TGFBR3: variants seen among roughly 807,000 people sequenced by gnomAD.
The protein encoded by TGFBR3 is transforming growth factor beta receptor 3.
A neutral mutation model predicts 87.9 loss-of-function variants in TGFBR3; 46 were observed. The observed-to-expected ratio is 0.52, with a 90% confidence interval of 0.41 to 0.67. The LOEUF (loss-of-function observed/expected upper bound fraction) is 0.67. TGFBR3 is among the 30% of genes least tolerant of loss of function. TGFBR3 has a pLI of 0.00. For synonymous variants in TGFBR3, 381 were observed against 391.6 expected, an observed-to-expected ratio of 0.97 and a Z score of 0.32; for missense variants, 866 against 1,041.9, an observed-to-expected ratio of 0.83 and a Z score of 2.32.
intron 8 of TGFBR3, among the ~76,000 whole-genome samples, chr1:91,720,746 T>C (rs7546005): frequency 6.6e-6 from 1 of 152,038 alleles, no homozygotes; most frequent in East Asian, 1.9e-4. Context: ...TGATGCAATA[T>C]TATTCCATTG....
At chr1:91,805,978 C>T (rs887865492) in intron 2 of TGFBR3, among the ~76,000 whole-genome samples, 4 of 152,218 alleles carry the variant, frequency 2.6e-5, no homozygotes, top group African/African-American at 4.8e-5. Flanking sequence ...CTTTCCAGTT[C>T]CTCGCCTCAG....
At chr1:91,742,727 C>T (rs1673197330) in intron 4 of TGFBR3, among the ~76,000 whole-genome samples, 1 of 152,142 alleles carries the variant, frequency 6.6e-6, no homozygotes, top group Non-Finnish European at 1.5e-5. Context: ...TGAAGGGGAA[C>T]CATGAAGCAC....
rs566087028 is a variant in TGFBR3, at chr1:91,741,394, C to T, written c.385-6435G>A. On this transcript the variant is annotated intron_variant, in intron 4 of 16. Coordinates refer to ENST00000212355, the MANE Select transcript of TGFBR3 (RefSeq NM_003243.5). ...CCTCTCGGAGAGCGCCACTCCCCCA[C>T]GCCCCGGCACCTCCACATGCTCACC... 1.4e-4 allele frequency among the ~76,000 whole-genome samples: 22 copies of T among 152,240 alleles called. No homozygotes were observed. In the South Asian group the frequency reaches 3.9e-3, roughly 27 times the overall value.
chr1:91,715,005 T>C (rs1672113433), intron 12 of TGFBR3, among the ~76,000 whole-genome samples: 2 of 152,206 alleles, frequency 1.3e-5, no homozygotes, highest in Non-Finnish European at 2.9e-5. Context: ...CAGAAACACG[T>C]GCACCAAAGT....
chr1:91,682,392 C>T lies in TGFBR3; in HGVS notation c.*1347G>A, dbSNP rs903574510. 2 of 431,908 alleles carry T rather than the reference C, an allele frequency of 4.6e-6. No homozygotes were observed. The highest frequency in any genetic ancestry group is 4.3e-5 in the African/African-American group (2 of 46,988). The allele number at this position is 431,908 out of a possible 1,614,324, so 26.8% of individuals were successfully genotyped here. On this transcript the variant is annotated 3_prime_UTR_variant, in exon 17 of 17. Coordinates refer to ENST00000212355, the MANE Select transcript of TGFBR3 (RefSeq NM_003243.5). ...GTAAAATAATTTAGCATGATAATTC[C>T]CCCCTGGCATTCTTTTTTTTTTTTT...
intron 2 of TGFBR3, among the ~76,000 whole-genome samples, chr1:91,815,398 T>C (rs552501751): frequency 6.6e-6 from 1 of 152,184 alleles, no homozygotes; most frequent in South Asian, 2.1e-4. Flanking sequence ...AATGAGATCA[T>C]GGCATTTGAG....
At chr1:91,852,455 T>C (rs1326639630) in intron 2 of TGFBR3, among the ~76,000 whole-genome samples, 1 of 152,226 alleles carries the variant, frequency 6.6e-6, no homozygotes, top group South Asian at 2.1e-4. Flanking sequence ...GCTGTTTCTG[T>C]AGAAAAATCT....
intron 3 of TGFBR3, among the ~76,000 whole-genome samples, chr1:91,774,913 A>G (rs1322853671): frequency 6.6e-6 from 1 of 152,272 alleles, no homozygotes; most frequent in African/African-American, 2.4e-5. Flanking sequence ...TCTGAAAGAA[A>G]CAAAAGGATA....
At chr1:91,793,489 T>C (rs1675265958) in intron 3 of TGFBR3, among the ~76,000 whole-genome samples, 1 of 152,032 alleles carries the variant, frequency 6.6e-6, no homozygotes, top group Non-Finnish European at 1.5e-5. Flanking sequence ...ACTTATTTCA[T>C]TTTGAAAAAT....
intron 3 of TGFBR3, among the ~76,000 whole-genome samples, chr1:91,774,092 A>G (rs1674478999): frequency 6.6e-6 from 1 of 152,164 alleles, no homozygotes; most frequent in South Asian, 2.1e-4. Flanking sequence ...ACATGGTAGT[A>G]GTCTAAAAAC....
intron 12 of TGFBR3, among the ~76,000 whole-genome samples, chr1:91,715,642 T>C (rs943506820): frequency 3.9e-5 from 6 of 152,214 alleles, no homozygotes; most frequent in Admixed American, 1.3e-4. Flanking sequence ...AGGTTGCACA[T>C]GATTATTAAC....
chr1:91,693,429 A>C (rs1671330470), intron 16 of TGFBR3, among the ~76,000 whole-genome samples: 2 of 152,224 alleles, frequency 1.3e-5, no homozygotes, highest in Middle Eastern at 3.2e-3. Context: ...GCCCTCCTGA[A>C]GTCTCTGGCT....
At chr1:91,832,730 T>C (rs1437286836) in intron 2 of TGFBR3, among the ~76,000 whole-genome samples, 2 of 152,130 alleles carry the variant, frequency 1.3e-5, no homozygotes. Flanking sequence ...GGGTCACGCA[T>C]GGTGGCTCAC....
intron 2 of TGFBR3, 90 bp from the exon 3 acceptor site, chr1:91,797,561 A>C: frequency 7.1e-7 from 1 of 1,401,344 alleles, no homozygotes; most frequent in Non-Finnish European, 1.0e-6. Flanking sequence ...CTGCCAACCC[A>C]CCAGAGATGC....
chr1:91,833,121 C>A (rs1676917256), intron 2 of TGFBR3, among the ~76,000 whole-genome samples: 1 of 151,112 alleles, frequency 6.6e-6, no homozygotes, highest in Admixed American at 6.6e-5. Context: ...ATAGCGAAAC[C>A]CCGTCTCTAC....
At chr1:91,859,908 C>CAAAAAAAAA (rs544117317) in intron 2 of TGFBR3, among the ~76,000 whole-genome samples, 3 of 85,594 alleles carry the variant, frequency 3.5e-5, no homozygotes, top group Admixed American at 1.2e-4. Context: ...GACTCCATCT[C>CAAAAAAAAA]AAAAAAAAAA....
chr1:91,891,359 G>A (rs1396660530), intron 2 of TGFBR3, among the ~76,000 whole-genome samples: 6 of 151,956 alleles, frequency 3.9e-5, no homozygotes, highest in African/African-American at 1.4e-4. Context: ...TTAGCTAGGC[G>A]TGAGGGTATG....
At chr1:91,729,220 TTCTATCGAATG>T (rs2100809050) in intron 6 of TGFBR3, among the ~76,000 whole-genome samples, 1 of 119,924 alleles carries the variant, frequency 8.3e-6, no homozygotes, top group African/African-American at 3.3e-5. Context: ...GAGAGGCAAG[TTCTATCGAATG>T]GCTCTTTGGT....
At chr1:91,882,979 A>C (rs978273587) in intron 1 of TGFBR3, among the ~76,000 whole-genome samples, 1 of 152,150 alleles carries the variant, frequency 6.6e-6, no homozygotes, top group African/African-American at 2.4e-5. Context: ...TTGCACTTAG[A>C]AGATGTTAAT....
Sources: gnomAD v4.1 joint callset for allele counts (sites outside exome capture counted in the v4.1 genomes callset) on GRCh38, gnomAD v4.1.1 for gene constraint, MANE v1.5 for transcripts, NCBI Gene and HGNC (gene_info 2026-07-23, HGNC 2026-07-21) for gene names.